MBD5: variants seen among roughly 807,000 people sequenced by gnomAD.
MBD5 encodes the protein methyl-CpG binding domain protein 5, also known as methyl-CpG-binding domain protein 5.
In MBD5, 13 loss-of-function variants were observed where a neutral mutation model predicts 117.3. The ratio of observed to expected loss-of-function variants is 0.11; its 90% CI spans 0.07 to 0.18. MBD5 has a LOEUF of 0.18. Ranked by LOEUF, MBD5 falls within the 10% of genes least tolerant of loss-of-function variation. The pLI is 1.00. For missense variants in MBD5, 1,879 were observed against 2,093.8 expected (o/e 0.90, Z 2.00); for synonymous variants, 727 against 766.4 (o/e 0.95, Z 0.85).
chr2:148,501,179 A>G (rs1681860214), intron 11 of MBD5, among the ~76,000 whole-genome samples: 2 of 152,248 alleles, frequency 1.3e-5, no homozygotes, highest in South Asian at 2.1e-4. Flanking sequence ...AGACTTAATA[A>G]TGAAAACTTC....
At chr2:148,273,001 A>C (rs1344326901) in intron 3 of MBD5, among the ~76,000 whole-genome samples, 1 of 152,178 alleles carries the variant, frequency 6.6e-6, no homozygotes, top group African/African-American at 2.4e-5. Flanking sequence ...GAATGATCTC[A>C]CTGTTACTGG....
chr2:148,174,210 G>T (rs1029076770), intron 1 of MBD5, among the ~76,000 whole-genome samples: 2 of 152,172 alleles, frequency 1.3e-5, no homozygotes, highest in African/African-American at 4.8e-5. Context: ...GCAAAGGATA[G>T]TCTCTTTAAT....
At chr2:148,477,506 A>G (rs1179430273) in intron 8 of MBD5, among the ~76,000 whole-genome samples, 1 of 152,194 alleles carries the variant, frequency 6.6e-6, no homozygotes, top group Non-Finnish European at 1.5e-5. Context: ...TTGTAAATAC[A>G]CATTACCATT....
intron 4 of MBD5, among the ~76,000 whole-genome samples, chr2:148,437,222 C>T (rs1706180783): frequency 6.6e-6 from 1 of 151,992 alleles, no homozygotes; most frequent in Non-Finnish European, 1.5e-5. Context: ...ACCTCATTAT[C>T]CACCCGCCTC....
At chr2:148,264,820 G>A (rs1184380531) in intron 3 of MBD5, 1 of 152,186 alleles carries the variant, frequency 6.6e-6, no homozygotes, top group Non-Finnish European at 1.5e-5. Context: ...ACTCAATGAA[G>A]TTTGCTGTTT....
intron 2 of MBD5, among the ~76,000 whole-genome samples, chr2:148,225,997 G>A (rs991494649): frequency 2.0e-5 from 3 of 151,956 alleles, no homozygotes; most frequent in Non-Finnish European, 4.4e-5. Context: ...ATCTTTTATA[G>A]GTTTGGGAAG....
At chr2:148,382,034 G>A (rs560240586) in intron 4 of MBD5, among the ~76,000 whole-genome samples, 5 of 152,286 alleles carry the variant, frequency 3.3e-5, no homozygotes, top group East Asian at 1.9e-4. Context: ...TCAAGGCTAC[G>A]AAGAAACTGC....
chr2:148,516,269 G>A lies in MBD5; in HGVS notation c.*3328G>A, dbSNP rs558817119. ...TGCAGTGTTCCCTTGCAAGTCACAA[G>A]CATATATGCATTAAGATTTTAAAAT... On this transcript the variant is annotated 3_prime_UTR_variant, in exon 14 of 14. Transcript: ENST00000642680. The A allele has an allele frequency of 2.0e-5, 3 of 152,308 alleles. No homozygotes were observed. In the South Asian group the frequency reaches 6.2e-4, roughly 32 times the overall value. 9.4% of individuals were successfully genotyped at this position (152,308 alleles called of 1,614,324 possible).
In MBD5 at chr2:148,440,918, A is replaced by C. The variant is rs76108493; in HGVS notation, c.-556-17285A>C. ...CACATTGTTAAGGCATTTCCAAGAA[A>C]GTTTAGTGCAACAGAATACAATGGT... On this transcript the variant is annotated intron_variant, in intron 4 of 13. Transcript: ENST00000642680. 1.1e-4 allele frequency among the ~76,000 whole-genome samples: 16 copies of C among 152,308 alleles called. No homozygotes were observed. In the East Asian group the frequency reaches 2.9e-3, roughly 28 times the overall value.
chr2:148,089,870 A>G (rs796635532), intron 1 of MBD5, among the ~76,000 whole-genome samples: 27 of 152,248 alleles, frequency 1.8e-4, no homozygotes, highest in African/African-American at 6.0e-4. Flanking sequence ...AAATTGAAAC[A>G]CAAAACAATA....
rs183103839 is a variant in MBD5 at position 148,033,916 on chromosome 2, G to A, written c.-925+12232G>A. Reference sequence around the variant, plus strand: ...TTCCAATTGAGAAAATACCAGCATTGATTCATTTTCCATGCAATATCTAGC... The same window carrying A: ...TTCCAATTGAGAAAATACCAGCATTAATTCATTTTCCATGCAATATCTAGC... On this transcript the variant is annotated intron_variant, in intron 1 of 13. Transcript: ENST00000642680. 1.6e-3 allele frequency among the ~76,000 whole-genome samples: 238 copies of A among 152,302 alleles called. 3 individuals are homozygous for A. The highest frequency in any genetic ancestry group is 0.016 in the Admixed American group (238 of 15,302).
intron 4 of MBD5, among the ~76,000 whole-genome samples, chr2:148,428,543 C>T (rs1185941628): frequency 1.3e-5 from 2 of 152,088 alleles, no homozygotes; most frequent in Non-Finnish European, 2.9e-5. Flanking sequence ...CCAAGACAAT[C>T]CTAAGGAAAA....
intron 1 of MBD5, 82 bp downstream of exon 1, chr2:148,021,766 C>A: frequency 4.6e-6 from 1 of 216,206 alleles, no homozygotes; most frequent in Non-Finnish European, 9.6e-6. Context: ...AAACCACATA[C>A]GCAGTGGAGC....
At chr2:148,256,477 G>A (rs753177365) in intron 3 of MBD5, among the ~76,000 whole-genome samples, 1 of 152,204 alleles carries the variant, frequency 6.6e-6, no homozygotes, top group Non-Finnish European at 1.5e-5. Flanking sequence ...ATGGGTTGGT[G>A]GCCGACTAGC....
intron 2 of MBD5, among the ~76,000 whole-genome samples, chr2:148,221,607 G>C (rs904239451): frequency 6.6e-6 from 1 of 151,946 alleles, no homozygotes; most frequent in Non-Finnish European, 1.5e-5. Context: ...TTTTTAATCA[G>C]ATTATCAGAT....
chr2:148,155,254 G>C (rs1697841426), intron 1 of MBD5, among the ~76,000 whole-genome samples: 1 of 152,132 alleles, frequency 6.6e-6, no homozygotes, highest in Admixed American at 6.6e-5. Flanking sequence ...GGAGGTGATA[G>C]ATCAAGTCAC....
At position 148,361,071 on chromosome 2, in the gene MBD5, G is replaced by A. The variant is rs556656654; in HGVS notation, c.-557+18735G>A. Among the ~76,000 whole-genome samples the A allele has an allele frequency of 1.6e-4, 24 of 152,286 alleles. No homozygotes were observed. The South Asian group carries it at 4.6e-3, about 29-fold the overall frequency. Reference sequence around the variant, plus strand: ...GAAAAAAAGTGCTGGGTTGGGGCCAGGCGTGGTGGCTCATGCCTATAATGC... The same window carrying A: ...GAAAAAAAGTGCTGGGTTGGGGCCAAGCGTGGTGGCTCATGCCTATAATGC... On this transcript the variant is annotated intron_variant, in intron 4 of 13. Coordinates refer to ENST00000642680, the MANE Select transcript of MBD5 (RefSeq NM_001378120.1).
In MBD5 at chr2:148,179,139, G is replaced by A. The variant is rs1698458145; in HGVS notation, c.-831+346G>A. On this transcript the variant is annotated intron_variant, in intron 2 of 13. Transcript: ENST00000642680. ...GGAGGCCGAGGCGGGCGGATCACGA[G>A]GTCAGGAGATCCAGACCATCCTGGA... Among the ~76,000 whole-genome samples the A allele has an allele frequency of 2.6e-5, 4 of 152,232 alleles. No homozygotes were observed. In the South Asian group the frequency reaches 8.3e-4, roughly 32 times the overall value.
chr2:148,178,615 T>C (rs1698443264), intron 1 of MBD5, 85 bp from the exon 2 acceptor site: 2 of 390,976 alleles, frequency 5.1e-6, no homozygotes, highest in South Asian at 2.8e-4. Flanking sequence ...TCATGAAGAA[T>C]AATTTCAATT....
Sources: gnomAD v4.1 joint callset for allele counts (sites outside exome capture counted in the v4.1 genomes callset) on GRCh38, gnomAD v4.1.1 for gene constraint, MANE v1.5 for transcripts, NCBI Gene and HGNC (gene_info 2026-07-23, HGNC 2026-07-21) for gene names.